Variants in GNL2 observed in about 807,000 individuals in gnomAD.
GNL2 encodes nucleolar GTP-binding protein 2.
Under a neutral mutation model 92.3 loss-of-function variants are expected in GNL2, and 51 were observed. The ratio of observed to expected loss-of-function variants is 0.55; its 90% CI spans 0.44 to 0.70. The LOEUF (loss-of-function observed/expected upper bound fraction) is 0.70. GNL2 is among the 30% of genes least tolerant of loss of function. The pLI, the probability that GNL2 is intolerant of heterozygous loss-of-function variation, is 0.00. For synonymous variants in GNL2, 283 were observed against 300.6 expected (o/e 0.94, Z 0.61); for missense variants, 844 against 895.6 (o/e 0.94, Z 0.74).
rs765177137 is a variant in GNL2, at chr1:37,587,513, T to G, written c.385-18A>C. On this transcript the variant is annotated intron_variant, in intron 4 of 15. Coordinates refer to ENST00000373062, the MANE Select transcript of GNL2 (RefSeq NM_013285.3). ...TTCAAGTTCTGAAGAGAAAGGAGAA[T>G]AACAGGTAAAACTAAGAAAAGCACT... 15 of 1,561,360 alleles carry G rather than the reference T, an allele frequency of 9.6e-6. No individual in the cohort carries two copies. In the South Asian group the frequency reaches 1.7e-4, roughly 18 times the overall value.
chr1:37,577,367 A>G (rs1000976566), intron 8 of GNL2, among the ~76,000 whole-genome samples: 2 of 152,188 alleles, frequency 1.3e-5, no homozygotes, highest in Non-Finnish European at 2.9e-5. Flanking sequence ...GCTTGCTATC[A>G]AGAAGAGGGC....
chr1:37,582,750 T>C (rs754478874), intron 7 of GNL2, 28 bp downstream of exon 7: 3 of 1,574,392 alleles, frequency 1.9e-6, no homozygotes, highest in Non-Finnish European at 2.6e-6. Flanking sequence ...GTCTTAATAG[T>C]CTATTCTGGT....
intron 12 of GNL2, among the ~76,000 whole-genome samples, chr1:37,572,610 T>C (rs751763595): frequency 2.0e-5 from 3 of 152,184 alleles, no homozygotes; most frequent in Non-Finnish European, 2.9e-5. Context: ...GGAGAGGGCA[T>C]GGAAGCTCTG....
intron 5 of GNL2, among the ~76,000 whole-genome samples, chr1:37,584,773 A>G (rs1486031657): frequency 1.3e-5 from 2 of 152,038 alleles, no homozygotes; most frequent in East Asian, 3.9e-4. Flanking sequence ...TAGTATCACT[A>G]AACTGTACAC....
rs1203256262 is a variant in GNL2 at position 37,587,367 on chromosome 1, A to G, written c.513T>C (p.Thr171=). 7 of 1,613,788 alleles carry G rather than the reference A, an allele frequency of 4.3e-6. No homozygotes were observed. The highest frequency in any genetic ancestry group is 5.9e-6 in the Non-Finnish European group (7 of 1,179,762). Reference sequence around the variant, plus strand: ...GATCCTTGCCCTGGTCATAGCTCTCAGTGGACATTTCAGCATTTTCGATAA... The same window carrying G: ...GATCCTTGCCCTGGTCATAGCTCTCGGTGGACATTTCAGCATTTTCGATAA... ...QSLIENAEMS[T]ESYDQGKDRD... is the part of the protein sequence containing the mutation. The change falls in exon 5 of 16, where the codon ACT becomes ACC. Residue 171 remains threonine, a synonymous_variant. Transcript: ENST00000373062.
Position 37,567,774 on chromosome 1 carries a change from A to C in GNL2, c.1952-10T>G. 1 of 1,597,216 alleles carries C rather than the reference A, an allele frequency of 6.3e-7. No homozygotes were observed. The highest frequency in any genetic ancestry group is 1.1e-5 in the South Asian group (1 of 90,736). On this transcript the variant is annotated splice_polypyrimidine_tract_variant and intron_variant, in intron 14 of 15. Coordinates refer to ENST00000373062, the MANE Select transcript of GNL2 (RefSeq NM_013285.3). ...CCCTTTTTGGAAGGTGCTGGATACAAACAATACACAAACAGGAATTTTCTA... is the reference window on the plus strand; with the variant it reads ...CCCTTTTTGGAAGGTGCTGGATACACACAATACACAAACAGGAATTTTCTA...
At chr1:37,588,485 C>A (rs1042835519) in intron 4 of GNL2, among the ~76,000 whole-genome samples, 5 of 152,134 alleles carry the variant, frequency 3.3e-5, no homozygotes, top group African/African-American at 1.2e-4. Context: ...ACGTTCCACT[C>A]GGGAGCATCT....
chr1:37,574,964 G>C (rs1305829754), intron 10 of GNL2, 141 bp from the exon 11 acceptor site: 1 of 641,454 alleles, frequency 1.6e-6, no homozygotes, highest in Non-Finnish European at 2.7e-6. Context: ...GTCTCTGACG[G>C]GGCTAGACAT....
chr1:37,567,420 G>A (rs775850646), intron 15 of GNL2, among the ~76,000 whole-genome samples: 16 of 152,054 alleles, frequency 1.1e-4, no homozygotes, highest in Non-Finnish European at 1.9e-4. Context: ...TTTCCCTTGG[G>A]ACTAGAAACT....
chr1:37,589,087 A>G (rs916200126), intron 4 of GNL2, among the ~76,000 whole-genome samples: 1 of 152,252 alleles, frequency 6.6e-6, no homozygotes, highest in Non-Finnish European at 1.5e-5. Flanking sequence ...AGATGGCTTT[A>G]GGGAGAACAG....
At chr1:37,592,044 T>A (rs1643890911) in intron 3 of GNL2, among the ~76,000 whole-genome samples, 1 of 152,180 alleles carries the variant, frequency 6.6e-6, no homozygotes, top group South Asian at 2.1e-4. Context: ...TTAGGAAGTA[T>A]CCCACTGAAA....
chr1:37,588,169 C>G (rs952973162), intron 4 of GNL2, among the ~76,000 whole-genome samples: 1 of 151,920 alleles, frequency 6.6e-6, no homozygotes, highest in South Asian at 2.1e-4. Context: ...CTGATACTAA[C>G]TAGAACTTGA....
chr1:37,578,064 G>A (rs193036961), intron 8 of GNL2, among the ~76,000 whole-genome samples: 1 of 152,240 alleles, frequency 6.6e-6, no homozygotes, highest in African/African-American at 2.4e-5. Context: ...GAGATTGAAA[G>A]ATTCTCTTCT....
chr1:37,580,516 T>C (rs944284474), intron 8 of GNL2, among the ~76,000 whole-genome samples: 1 of 152,230 alleles, frequency 6.6e-6, no homozygotes, highest in African/African-American at 2.4e-5. Flanking sequence ...TTGGAAAATA[T>C]GTCCCATGGA....
In GNL2 at chr1:37,566,854, A is replaced by G. The variant is rs756130836; in HGVS notation, c.*1T>C. ...ATAATTTAATAAAAACCTTTTAAAC[A>G]TTACTGCTTTTGTCTGAATTTTTTG... On this transcript the variant is annotated 3_prime_UTR_variant, in exon 16 of 16. Transcript: ENST00000373062. 1.2e-6 allele frequency: 2 copies of G among 1,612,180 alleles called. No individual in the cohort carries two copies. The highest frequency in any genetic ancestry group is 2.2e-5 in the East Asian group (1 of 44,884).
intron 3 of GNL2, among the ~76,000 whole-genome samples, chr1:37,591,105 T>C (rs963457462): frequency 9.2e-5 from 14 of 152,174 alleles, no homozygotes; most frequent in Non-Finnish European, 1.8e-4. Flanking sequence ...CCTAACTAAA[T>C]GAAACTGAGA....
Position 37,567,019 on chromosome 1 carries a change from G to T in GNL2, c.2044-12C>A. ...ACTGCTCGCCTCCGCTGTAAAAAAT[G>T]GCAAGAAAAGATGAAGAAAAAAAAC... On this transcript the variant is annotated splice_polypyrimidine_tract_variant and intron_variant, in intron 15 of 15. Transcript: ENST00000373062. 1 of 1,601,954 alleles carries T rather than the reference G, an allele frequency of 6.2e-7. No individual in the cohort carries two copies. The highest frequency in any genetic ancestry group is 8.5e-7 in the Non-Finnish European group (1 of 1,175,938).
rs554182438 is a variant in GNL2, at chr1:37,572,246, T to C, written c.1416+2097A>G. On this transcript the variant is annotated intron_variant, in intron 12 of 15. Transcript: ENST00000373062. ...CTACTGTCTCCCTGTGATATAAATG[T>C]CACACTTCCTGGCACAGAGCTCCTA... 2.8e-4 allele frequency among the ~76,000 whole-genome samples: 43 copies of C among 152,266 alleles called. 1 individual carries two copies. Among genetic ancestry groups the C allele is most frequent in the African/African-American group, 1.0e-3 (43 of 41,538 alleles).
chr1:37,592,187 C>T (rs1452692530), intron 3 of GNL2, among the ~76,000 whole-genome samples: 1 of 152,204 alleles, frequency 6.6e-6, no homozygotes, highest in African/African-American at 2.4e-5. Context: ...AGAGCCCAGA[C>T]TGAAATGAGA....
Sources: gnomAD v4.1 joint callset for allele counts (sites outside exome capture counted in the v4.1 genomes callset) on GRCh38, gnomAD v4.1.1 for gene constraint, MANE v1.5 for transcripts, NCBI Gene and HGNC (gene_info 2026-07-23, HGNC 2026-07-21) for gene names.